SHANK2: variants seen among roughly 807,000 people sequenced by gnomAD.
SHANK2 encodes SH3 and multiple ankyrin repeat domains protein 2.
In SHANK2, 43 loss-of-function variants were observed where a neutral mutation model predicts 133.7. That is an observed-to-expected ratio of 0.32 (90% CI 0.25 to 0.41). The LOEUF is 0.41. SHANK2 is among the 10% of genes least tolerant of loss of function. The pLI, the probability that SHANK2 is intolerant of heterozygous loss-of-function variation, is 1.00. For synonymous variants in SHANK2, 1,017 were observed against 952.8 expected (o/e 1.07, Z -1.24); for missense variants, 1,994 against 2,235.8 (o/e 0.89, Z 2.18).
At chr11:70,489,234 T>C in intron 24 of SHANK2, 94 bp downstream of exon 24, 1 of 1,291,000 alleles carries the variant, frequency 7.7e-7, no homozygotes, top group Non-Finnish European at 1.1e-6. Flanking sequence ...GTCTGGCAAT[T>C]CTGTTCCCAA....
At chr11:70,900,607 A>G (rs1291617362) in intron 10 of SHANK2, among the ~76,000 whole-genome samples, 1 of 152,180 alleles carries the variant, frequency 6.6e-6, no homozygotes, top group Non-Finnish European at 1.5e-5. Context: ...TAGGAGCTTA[A>G]GCCCAGGCAC....
intron 8 of SHANK2, among the ~76,000 whole-genome samples, chr11:71,086,171 ATATAT>A (rs1951408330): frequency 1.9e-4 from 2 of 10,742 alleles, no homozygotes; most frequent in Non-Finnish European, 4.9e-4. Flanking sequence ...AAATTATATA[ATATAT>A]TATGTTATAT....
intron 17 of SHANK2, among the ~76,000 whole-genome samples, chr11:70,523,842 G>T (rs1419568889): frequency 6.6e-6 from 1 of 152,134 alleles, no homozygotes; most frequent in African/African-American, 2.4e-5. Flanking sequence ...GGAGAGCTGG[G>T]GTAGCTTCCT....
chr11:70,818,464 C>G (rs1334513416), intron 12 of SHANK2, among the ~76,000 whole-genome samples: 3 of 152,204 alleles, frequency 2.0e-5, no homozygotes, highest in African/African-American at 7.2e-5. Flanking sequence ...CTGCAGCCAG[C>G]TCAAGTCCCT....
At chr11:71,074,146 C>T (rs1290651222) in intron 9 of SHANK2, among the ~76,000 whole-genome samples, 3 of 152,180 alleles carry the variant, frequency 2.0e-5, no homozygotes, top group Non-Finnish European at 4.4e-5. Context: ...CCCACTGAGG[C>T]AGCAGGTGAG....
chr11:71,156,235 C>T (rs1204725064), intron 2 of SHANK2, among the ~76,000 whole-genome samples: 1 of 152,210 alleles, frequency 6.6e-6, no homozygotes, highest in Non-Finnish European at 1.5e-5. Context: ...CTCCTCCAGT[C>T]CCCAGGACCC....
intron 3 of SHANK2, among the ~76,000 whole-genome samples, chr11:71,133,661 GGCT>G (rs1344890188): frequency 6.6e-6 from 1 of 152,064 alleles, no homozygotes; most frequent in Non-Finnish European, 1.5e-5. Context: ...TCCCTGGTTA[GGCT>G]GGAGTCAGTG....
intron 10 of SHANK2, among the ~76,000 whole-genome samples, chr11:70,936,369 A>C (rs1555083452): frequency 6.6e-6 from 1 of 152,022 alleles, no homozygotes; most frequent in Admixed American, 6.6e-5. Flanking sequence ...AAAATTAGCC[A>C]GGCATGGTGG....
intron 10 of SHANK2, among the ~76,000 whole-genome samples, chr11:70,951,473 G>GC: frequency 7.4e-6 from 1 of 134,306 alleles, no homozygotes; most frequent in Non-Finnish European, 1.5e-5. Context: ...ATTTCCCCTG[G>GC]TTGCTGCATG....
Position 70,485,677 on chromosome 11 carries a change from A to C in SHANK2, c.4616T>G (p.Phe1539Cys). The change falls in exon 25 of 26, where the codon TTT becomes TGT. Residue 1539 changes from phenylalanine (F) to cysteine (C), a missense_variant. Physicochemically the swap from Phe to Cys is radical, Grantham distance 205 (BLOSUM62 -2). Coordinates refer to ENST00000601538, the MANE Select transcript of SHANK2 (RefSeq NM_012309.5). This position sits in a 1 kb window ranked among gnomAD's most constrained non-coding sequence, Gnocchi z 5.8. ...TCTVYADGQAFMVDKPPVPPK... is the reference protein window; with the variant it reads ...TCTVYADGQACMVDKPPVPPK... ...AGGTACTGGGGGTTTGTCAACCATA[A>C]ATGCTTGCCCATCTGCATAGACTGT... The C allele has an allele frequency of 6.2e-7, 1 of 1,613,984 alleles. No homozygotes were observed. Among genetic ancestry groups the C allele is most frequent in the Non-Finnish European group, 8.5e-7 (1 of 1,180,008 alleles).
chr11:70,596,167 G>A (rs1041587263), intron 17 of SHANK2, among the ~76,000 whole-genome samples: 15 of 152,340 alleles, frequency 9.8e-5, no homozygotes, highest in South Asian at 2.1e-4. Flanking sequence ...GCTGTCCTGC[G>A]TGTGGTGATT....
At chr11:70,717,060 C>G (rs148326149) in intron 14 of SHANK2, among the ~76,000 whole-genome samples, 1 of 152,200 alleles carries the variant, frequency 6.6e-6, no homozygotes, top group South Asian at 2.1e-4. Context: ...ACCGTTACCA[C>G]GCGGAAGGAG....
chr11:70,751,630 C>T (rs1217801830), intron 14 of SHANK2, among the ~76,000 whole-genome samples: 4 of 152,198 alleles, frequency 2.6e-5, no homozygotes. Context: ...TCACTTCTTA[C>T]ATTCTTGAAA....
chr11:70,858,105 C>G (rs1949198913), intron 11 of SHANK2, among the ~76,000 whole-genome samples: 1 of 152,196 alleles, frequency 6.6e-6, no homozygotes, highest in Non-Finnish European at 1.5e-5. Context: ...GTGCCAGGAG[C>G]TAAATTTAGG....
intron 13 of SHANK2, among the ~76,000 whole-genome samples, chr11:70,799,455 C>T (rs1431282826): frequency 6.6e-6 from 1 of 152,036 alleles, no homozygotes; most frequent in African/African-American, 2.4e-5. Context: ...GAGCAGCTCA[C>T]GAATCATCTG....
intron 2 of SHANK2, among the ~76,000 whole-genome samples, chr11:71,177,575 T>G (rs1411558369): frequency 1.3e-5 from 2 of 152,190 alleles, no homozygotes; most frequent in African/African-American, 2.4e-5. Flanking sequence ...CATAAAATTC[T>G]ATTAATCTAA....
rs1182820646 is a variant in SHANK2, at chr11:71,157,458, T to TA, written c.-12-10121_-12-10120insT. Among the ~76,000 whole-genome samples the TA allele has an allele frequency of 3.3e-5, 5 of 152,306 alleles. No homozygotes were observed. The East Asian group carries it at 9.7e-4, about 29-fold the overall frequency. Reference sequence around the variant, plus strand: ...TCTCTTCCATGCCTCAGCATTCATGTGGAAGTGTGCCGTTTTCTTGGTGGC... The same window carrying TA: ...TCTCTTCCATGCCTCAGCATTCATGTAGGAAGTGTGCCGTTTTCTTGGTGGC... On this transcript the variant is annotated intron_variant, in intron 2 of 25. Coordinates refer to ENST00000601538, the MANE Select transcript of SHANK2 (RefSeq NM_012309.5).
intron 17 of SHANK2, among the ~76,000 whole-genome samples, chr11:70,530,485 A>G (rs1396251274): frequency 6.6e-6 from 1 of 152,200 alleles, no homozygotes; most frequent in Non-Finnish European, 1.5e-5. Flanking sequence ...GCACTGAGCT[A>G]TGATCATACC....
At chr11:71,114,856 C>A (rs868926070) in intron 4 of SHANK2, among the ~76,000 whole-genome samples, 13 of 152,118 alleles carry the variant, frequency 8.5e-5, no homozygotes, top group Admixed American at 2.6e-4. Flanking sequence ...TTCAATTCCA[C>A]GGGGCCCCTT....
Sources: gnomAD v4.1 joint callset for allele counts (sites outside exome capture counted in the v4.1 genomes callset) on GRCh38, gnomAD v4.1.1 for gene constraint, Gnocchi (gnomAD v3.1) non-coding constraint, MANE v1.5 for transcripts, NCBI Gene and HGNC (gene_info 2026-07-23, HGNC 2026-07-21) for gene names.